SVIL: variants seen among roughly 807,000 people sequenced by gnomAD.
SVIL encodes the protein archvillin.
Under a neutral mutation model 240.4 loss-of-function variants are expected in SVIL, and 101 were observed. The ratio of observed to expected loss-of-function variants is 0.42; its 90% confidence interval spans 0.36 to 0.50. SVIL has a LOEUF of 0.50. Ranked by LOEUF, SVIL falls within the 20% of genes least tolerant of loss-of-function variation. The probability of loss-of-function intolerance (pLI) is 0.01; values close to 1 mark genes in which losing one functional copy is unlikely to be tolerated. For synonymous variants in SVIL, 999 were observed against 1,100.0 expected, an observed-to-expected ratio of 0.91 and a Z score of 1.82; for missense variants, 2,512 against 2,818.7, an observed-to-expected ratio of 0.89 and a Z score of 2.46.
At chr10:29,561,690 G>A (rs1396661429) in intron 3 of SVIL, among the ~76,000 whole-genome samples, 1 of 151,894 alleles carries the variant, frequency 6.6e-6, no homozygotes, top group Admixed American at 6.6e-5. Flanking sequence ...CTGGACACGA[G>A]GCCACTGGCT....
intron 1 of SVIL, among the ~76,000 whole-genome samples, chr10:29,624,261 A>G (rs1010745053): frequency 8.6e-5 from 13 of 151,966 alleles, no homozygotes; most frequent in African/African-American, 2.9e-4. Context: ...TTTAAAAACC[A>G]TCTGCTTGGC....
At chr10:29,466,421 T>G (rs1346155514) in intron 33 of SVIL, among the ~76,000 whole-genome samples, 1 of 152,188 alleles carries the variant, frequency 6.6e-6, no homozygotes, top group Admixed American at 6.5e-5. Context: ...AATGAACGCT[T>G]CTGTGTATTG....
intron 13 of SVIL, 36 bp downstream of exon 13, chr10:29,526,925 C>A: frequency 6.7e-7 from 1 of 1,482,664 alleles, no homozygotes; most frequent in South Asian, 1.4e-5. Flanking sequence ...GGCACCTTTG[C>A]ACCGGGTGCC....
intron 2 of SVIL, among the ~76,000 whole-genome samples, chr10:29,673,463 T>C (rs563244046): frequency 2.6e-5 from 4 of 152,166 alleles, no homozygotes; most frequent in East Asian, 3.9e-4. Flanking sequence ...GAGTAATTTA[T>C]ACAGAAAAGA....
At chr10:29,531,332 G>A in intron 9 of SVIL, 44 bp from the exon 10 acceptor site, 1 of 1,555,188 alleles carries the variant, frequency 6.4e-7, no homozygotes, top group Non-Finnish European at 8.8e-7. Context: ...TTAGCAGGTG[G>A]GAGCAGAAGA....
Position 29,522,422 on chromosome 10 carries a change from G to T in SVIL, c.3377C>A (p.Ser1126Tyr). The T allele has an allele frequency of 6.2e-7, 1 of 1,614,042 alleles. No homozygotes were observed. Among genetic ancestry groups the T allele is most frequent in the Non-Finnish European group, 8.5e-7 (1 of 1,180,040 alleles). The part of the protein sequence containing the change: ...GLLDSPSKTM[S>Y]IKERLALLKK... ...CGAATCTCATTACCTTTCTTTAATA[G>T]ACATGGTTTTGCTGGGTGAGTCAAG... Residue 1126 changes from serine to tyrosine, a missense_variant, in exon 16 of 38, where the codon TCT becomes TAT. Ser to Tyr is a moderately radical substitution (Grantham distance 144). This residue lies in a region of SVIL where 1,443 missense variants were observed against 1,486.6 expected (regional missense o/e 0.97). Transcript: ENST00000355867.
At chr10:29,504,876 A>G (rs1285479336) in intron 17 of SVIL, among the ~76,000 whole-genome samples, 1 of 152,236 alleles carries the variant, frequency 6.6e-6, no homozygotes, top group Admixed American at 6.5e-5. Context: ...CTTACATCCA[A>G]ATAAAAGCCT....
intron 22 of SVIL, among the ~76,000 whole-genome samples, chr10:29,489,429 T>C (rs1047085586): frequency 3.9e-5 from 6 of 152,238 alleles, no homozygotes; most frequent in African/African-American, 1.4e-4. Flanking sequence ...CTCCAACTTA[T>C]TGTTTTAAAA....
intron 21 of SVIL, among the ~76,000 whole-genome samples, chr10:29,491,785 A>G (rs1004911232): frequency 1.3e-5 from 2 of 152,204 alleles, no homozygotes; most frequent in Non-Finnish European, 2.9e-5. Flanking sequence ...GTGTCTATCA[A>G]TATGTTTAAA....
chr10:29,465,744 C>G lies in SVIL; in HGVS notation c.5984G>C (p.Gly1995Ala), dbSNP rs1483912666. 6.2e-7 allele frequency: 1 copy of G among 1,612,150 alleles called. No individual in the cohort carries two copies. The highest frequency in any genetic ancestry group is 8.5e-7 in the Non-Finnish European group (1 of 1,179,918). ...CAGGCGGGGCGCGAAGTTAAAACTT[C>G]CAGGATCTTTGAAAGAAAAGAGAAC... ...KAYDCMLQDP[G>A]SFNFAPRLFI... Residue 1995 changes from glycine to alanine, a missense_variant, in exon 34 of 38, where the codon GGA becomes GCA. Gly to Ala is a moderately conservative substitution (Grantham distance 60). This residue lies in a region of SVIL where 797 missense variants were observed against 925.3 expected (regional missense o/e 0.86). Coordinates refer to ENST00000355867, the MANE Select transcript of SVIL (RefSeq NM_021738.3).
chr10:29,510,610 G>A (rs1430397023), intron 17 of SVIL, among the ~76,000 whole-genome samples: 18 of 151,888 alleles, frequency 1.2e-4, no homozygotes, highest in African/African-American at 3.4e-4. Context: ...GGAAGGTTCC[G>A]GCACCTGCTC....
At chr10:29,568,714 T>C (rs1346851016) in intron 2 of SVIL, among the ~76,000 whole-genome samples, 1 of 152,082 alleles carries the variant, frequency 6.6e-6, no homozygotes, top group Non-Finnish European at 1.5e-5. Context: ...CCAAGGGGAC[T>C]GGAAGTTCAG....
rs74620288 is a variant in SVIL at position 29,569,407 on chromosome 10, A to C, written c.-200-95T>G. ...TCTCCAAACTGCTTTTGAACATATA[A>C]TTTAAGAAAAAGAAAACCATTAACC... On this transcript the variant is annotated intron_variant, in intron 1 of 37. Transcript: ENST00000355867. The C allele has an allele frequency of 9.7e-3, 5,020 of 519,070 alleles. 237 individuals are homozygous for C. In the African/African-American group the frequency reaches 0.098, roughly 10 times the overall value. The allele number at this position is 519,070 out of a possible 1,614,324, so 32.2% of individuals were successfully genotyped here.
intron 1 of SVIL, among the ~76,000 whole-genome samples, chr10:29,622,131 T>C (rs1020299000): frequency 1.3e-5 from 2 of 149,810 alleles, no homozygotes; most frequent in African/African-American, 4.9e-5. Flanking sequence ...GCGCCTGTAG[T>C]CCCAGCTACT....
intron 16 of SVIL, among the ~76,000 whole-genome samples, chr10:29,520,395 A>G (rs1950484253): frequency 3.3e-5 from 5 of 152,286 alleles, no homozygotes; most frequent in Non-Finnish European, 7.4e-5. Context: ...TCAAGCCTCA[A>G]TAGGCCCAAC....
intron 6 of SVIL, among the ~76,000 whole-genome samples, chr10:29,541,978 A>G (rs73596045): frequency 6.6e-6 from 1 of 152,164 alleles, no homozygotes; most frequent in African/African-American, 2.4e-5. Flanking sequence ...TGCTGCTCAC[A>G]GTGCGTTCCA....
chr10:29,712,958 C>G (rs866736997), intron 1 of SVIL, among the ~76,000 whole-genome samples: 15 of 152,296 alleles, frequency 9.8e-5, no homozygotes, highest in South Asian at 6.2e-4. Flanking sequence ...AGGTGGATCA[C>G]TTGAGATCAG....
In SVIL at chr10:29,532,896, T is replaced by G; in HGVS notation, c.1471A>C (p.Lys491Gln). ...GGTTGTGCCACGTTTTCCAGTTCCT[T>G]CTGATGCTCTAAGGTGACTGTGCTC... ...AVSTVTLEHQ[K>Q]ELENVAQPPQ... The change falls in exon 8 of 38, where the codon AAG (lysine) becomes CAG (glutamine). Residue 491 changes from lysine to glutamine, a missense_variant. Lys to Gln is a moderately conservative substitution (Grantham distance 53). Around this residue, in one of 3 missense-constraint regions of SVIL, gnomAD observed 1,443 missense variants for 1,486.6 expected, o/e 0.97. Coordinates refer to ENST00000355867, the MANE Select transcript of SVIL (RefSeq NM_021738.3). 1 of 1,614,112 alleles carries G rather than the reference T, an allele frequency of 6.2e-7. No homozygotes were observed. The highest frequency in any genetic ancestry group is 1.1e-5 in the South Asian group (1 of 91,074).
At chr10:29,584,217 C>T (rs182137048) in intron 1 of SVIL, among the ~76,000 whole-genome samples, 1 of 152,162 alleles carries the variant, frequency 6.6e-6, no homozygotes, top group Non-Finnish European at 1.5e-5. Flanking sequence ...GAGGCCTAAC[C>T]GGGGCGTGGG....
Sources: gnomAD v4.1 joint callset for allele counts (sites outside exome capture counted in the v4.1 genomes callset) on GRCh38, gnomAD v4.1.1 for gene constraint, gnomAD v4.1.1 regional missense constraint, MANE v1.5 for transcripts, NCBI Gene and HGNC (gene_info 2026-07-23, HGNC 2026-07-21) for gene names.